The following ZFPM2 variants were observed in gnomAD, a reference collection of about 807,000 sequenced individuals.
ZFPM2 encodes the protein zinc finger protein ZFPM2.
In ZFPM2, 20 loss-of-function variants were observed where a neutral mutation model predicts 98.6. The observed-to-expected ratio is 0.20, with a 90% CI of 0.14 to 0.29. The LOEUF (loss-of-function observed/expected upper bound fraction) is 0.29. Among genes scored for constraint, ZFPM2 ranks in the 10% least tolerant of loss-of-function variants. The pLI, the probability that ZFPM2 is intolerant of heterozygous loss-of-function variation, is 1.00. For missense variants in ZFPM2, 1,310 were observed against 1,388.6 expected (o/e 0.94, Z 0.90); for synonymous variants, 518 against 502.7 (o/e 1.03, Z -0.41).
At chr8:105,400,652 T>C (rs1161918017) in intron 1 of ZFPM2, among the ~76,000 whole-genome samples, 2 of 152,170 alleles carry the variant, frequency 1.3e-5, no homozygotes, top group Non-Finnish European at 2.9e-5. Context: ...GCACTTTTGG[T>C]ATATATTTAG....
intron 5 of ZFPM2, among the ~76,000 whole-genome samples, chr8:105,783,839 C>T (rs1409670558): frequency 6.6e-6 from 1 of 152,078 alleles, no homozygotes; most frequent in Non-Finnish European, 1.5e-5. Context: ...AACCATGCCA[C>T]TATGAGCCTG....
chr8:105,418,322 G>T (rs1443675382), intron 1 of ZFPM2, among the ~76,000 whole-genome samples: 2 of 152,074 alleles, frequency 1.3e-5, no homozygotes, highest in Non-Finnish European at 2.9e-5. Context: ...TGGTTACTTT[G>T]ATTCTTTAGA....
At chr8:105,405,853 A>AC (rs1263577648) in intron 1 of ZFPM2, among the ~76,000 whole-genome samples, 1 of 152,174 alleles carries the variant, frequency 6.6e-6, no homozygotes, top group Non-Finnish European at 1.5e-5. Context: ...ACGAATTGCC[A>AC]CACTGACTTC....
chr8:105,537,907 A>G (rs1464899443), intron 3 of ZFPM2, among the ~76,000 whole-genome samples: 1 of 151,454 alleles, frequency 6.6e-6, no homozygotes, highest in African/African-American at 2.4e-5. Context: ...AATTTTTTGT[A>G]TTTTAGTAGA....
rs563445748 is a variant in ZFPM2, at chr8:105,565,146, T to A, written c.420+3665T>A. Among the ~76,000 whole-genome samples, 15 of 152,218 alleles carry A rather than the reference T, an allele frequency of 9.9e-5. No individual in the cohort carries two copies. The South Asian group carries it at 2.9e-3, about 29-fold the overall frequency. ...CACCATGCCAGATGTCAAATCCTTTTTATATCTTTCAAGTCCCCATCTTCA... is the reference window on the plus strand; with the variant it reads ...CACCATGCCAGATGTCAAATCCTTTATATATCTTTCAAGTCCCCATCTTCA... On this transcript the variant is annotated intron_variant, in intron 4 of 7. Transcript: ENST00000407775.
chr8:105,704,170 T>C (rs1359356004), intron 5 of ZFPM2, among the ~76,000 whole-genome samples: 6 of 152,198 alleles, frequency 3.9e-5, no homozygotes, highest in African/African-American at 9.7e-5. Context: ...CTGAACCTGC[T>C]AAAGACCTAA....
chr8:105,685,329 A>G (rs1400092931), intron 5 of ZFPM2, among the ~76,000 whole-genome samples: 7 of 152,116 alleles, frequency 4.6e-5, no homozygotes. Flanking sequence ...CACTAAGCAA[A>G]TAAGTAAATG....
At chr8:105,703,087 TTC>T (rs1811176220) in intron 5 of ZFPM2, among the ~76,000 whole-genome samples, 1 of 152,122 alleles carries the variant, frequency 6.6e-6, no homozygotes, top group African/African-American at 2.4e-5. Flanking sequence ...CATTCTTATA[TTC>T]TGTAGAGAAG....
At chr8:105,414,595 C>T (rs190465038) in intron 1 of ZFPM2, among the ~76,000 whole-genome samples, 108 of 151,292 alleles carry the variant, frequency 7.1e-4, no homozygotes, top group African/African-American at 2.4e-3. Flanking sequence ...TATATGTTTT[C>T]GCATCCCCCC....
chr8:105,402,289 A>G (rs1459405316), intron 1 of ZFPM2, among the ~76,000 whole-genome samples: 3 of 151,992 alleles, frequency 2.0e-5, no homozygotes, highest in Non-Finnish European at 4.4e-5. Context: ...AATTTGTTCA[A>G]TTAAATGTAT....
At chr8:105,632,413 A>G (rs1219783516) in intron 4 of ZFPM2, among the ~76,000 whole-genome samples, 3 of 152,108 alleles carry the variant, frequency 2.0e-5, no homozygotes, top group Non-Finnish European at 1.5e-5. Flanking sequence ...CAAGTGAGTC[A>G]TCCACTTCGG....
In ZFPM2 at chr8:105,467,218, A is replaced by G. The variant is rs557977380; in HGVS notation, c.301+22837A>G. Reference sequence around the variant, plus strand: ...CACAATTCCTAAATATATTTATTCTAATACAACTTATTTTTACTAAAGTGA... The same window carrying G: ...CACAATTCCTAAATATATTTATTCTGATACAACTTATTTTTACTAAAGTGA... On this transcript the variant is annotated intron_variant, in intron 3 of 7. Coordinates refer to ENST00000407775, the MANE Select transcript of ZFPM2 (RefSeq NM_012082.4). Among the ~76,000 whole-genome samples, 33 of 152,218 alleles carry G rather than the reference A, an allele frequency of 2.2e-4. No individual in the cohort carries two copies. The South Asian group carries it at 6.6e-3, about 31-fold the overall frequency.
At chr8:105,609,853 T>C (rs1232471714) in intron 4 of ZFPM2, among the ~76,000 whole-genome samples, 1 of 152,186 alleles carries the variant, frequency 6.6e-6, no homozygotes, top group Non-Finnish European at 1.5e-5. Context: ...ATTTATTGAA[T>C]GGAAATCCTT....
In ZFPM2 at chr8:105,618,675, T is replaced by C. The variant is rs184648408; in HGVS notation, c.421-15571T>C. On this transcript the variant is annotated intron_variant, in intron 4 of 7. Transcript: ENST00000407775. ...ATATTAACTCATTTAATCACCAAAATGACCCTATGACATAAATGCGTTTAT... is the reference window on the plus strand; with the variant it reads ...ATATTAACTCATTTAATCACCAAAACGACCCTATGACATAAATGCGTTTAT... Among the ~76,000 whole-genome samples, 349 of 152,228 alleles carry C rather than the reference T, an allele frequency of 2.3e-3. 4 individuals are homozygous for C. The highest frequency in any genetic ancestry group is 1.2e-3 in the Non-Finnish European group (79 of 67,994).
chr8:105,454,404 T>C lies in ZFPM2; in HGVS notation c.301+10023T>C, dbSNP rs1306256872. 3.3e-5 allele frequency among the ~76,000 whole-genome samples: 5 copies of C among 152,334 alleles called. No individual in the cohort carries two copies. In the East Asian group the frequency reaches 9.7e-4, roughly 29 times the overall value. ...CACATTGCTTGGTGCTTTTTACTGC[T>C]TTATATCAGCAGGCACATAAAGACT... On this transcript the variant is annotated intron_variant, in intron 3 of 7. Coordinates refer to ENST00000407775, the MANE Select transcript of ZFPM2 (RefSeq NM_012082.4).
chr8:105,699,548 C>T (rs1256627698), intron 5 of ZFPM2, among the ~76,000 whole-genome samples: 3 of 151,964 alleles, frequency 2.0e-5, no homozygotes, highest in Non-Finnish European at 4.4e-5. Flanking sequence ...TTTGTTAAGC[C>T]TCTATTCTAA....
chr8:105,532,129 TG>T (rs1416857619), intron 3 of ZFPM2, among the ~76,000 whole-genome samples: 1 of 152,172 alleles, frequency 6.6e-6, no homozygotes, highest in African/African-American at 2.4e-5. Flanking sequence ...CTTAAATTCC[TG>T]GGCTCAAGCA....
chr8:105,444,193 T>A, intron 2 of ZFPM2, 87 bp from the exon 3 acceptor site: 1 of 993,954 alleles, frequency 1.0e-6, no homozygotes, highest in Non-Finnish European at 1.6e-6. Context: ...ATTAGATATA[T>A]GATAAGGACA....
intron 3 of ZFPM2, among the ~76,000 whole-genome samples, chr8:105,447,692 A>C (rs1361687598): frequency 1.3e-5 from 2 of 152,074 alleles, no homozygotes; most frequent in Non-Finnish European, 2.9e-5. Context: ...GAGTCAAAGG[A>C]TGGGAAAATT....
Sources: allele counts gnomAD v4.1 joint callset (sites outside exome capture counted in the v4.1 genomes callset), GRCh38; gene constraint gnomAD v4.1.1; transcripts MANE v1.5; gene names NCBI Gene and HGNC (gene_info 2026-07-23, HGNC 2026-07-21).